MEI4: variants seen among roughly 807,000 people sequenced by gnomAD.
MEI4 encodes the protein meiotic double-stranded break formation protein 4.
MEI4 carries 27 observed loss-of-function variants against 31.4 expected under a neutral mutation model. That is an observed-to-expected ratio of 0.86 (90% CI 0.63 to 1.19). The LOEUF is 1.19. MEI4 is among the 50% of genes most tolerant of loss of function. MEI4 has a pLI of 0.00. For missense variants in MEI4, 329 were observed against 398.9 expected, an observed-to-expected ratio of 0.82 and a Z score of 1.49; for synonymous variants, 122 against 145.4, an observed-to-expected ratio of 0.84 and a Z score of 1.16.
In MEI4 at chr6:77,890,919, C is replaced by A. The variant is rs571701990; in HGVS notation, c.901-32170C>A. Among the ~76,000 whole-genome samples the A allele has an allele frequency of 2.6e-5, 4 of 152,272 alleles. No homozygotes were observed. The East Asian group carries it at 7.7e-4, about 29-fold the overall frequency. On this transcript the variant is annotated intron_variant, in intron 4 of 4. Transcript: ENST00000684080. ...AAGACATGTTCACTTCCCCTTCCAC[C>A]ATGATTGTAAGTTTTCTGAGGCCTC... is the stretch of plus-strand genomic sequence containing the variant.
At chr6:77,907,539 G>A (rs529793300) in intron 4 of MEI4, among the ~76,000 whole-genome samples, 11 of 152,198 alleles carry the variant, frequency 7.2e-5, no homozygotes, top group African/African-American at 2.2e-4. Flanking sequence ...GTCTATCATT[G>A]TTGGACATTT....
intron 3 of MEI4, among the ~76,000 whole-genome samples, chr6:77,775,496 G>A (rs1367496270): frequency 6.6e-6 from 1 of 152,124 alleles, no homozygotes; most frequent in Non-Finnish European, 1.5e-5. Context: ...CATCCAGGTT[G>A]ATGTGAATGC....
chr6:77,924,471 A>G lies in MEI4; in HGVS notation c.*1125A>G, dbSNP rs773319590. 1.3e-5 allele frequency: 2 copies of G among 151,830 alleles called. No individual in the cohort carries two copies. The highest frequency in any genetic ancestry group is 1.5e-5 in the Non-Finnish European group (1 of 67,878). 9.4% of individuals were successfully genotyped at this position (151,830 alleles called of 1,614,324 possible). A position where few individuals can be genotyped will look rare whatever the true frequency, so the allele number is the denominator to read the frequency against. The stretch of plus-strand genomic sequence containing the variant: ...TCAGCTTTTGTTATGTGACAGATAG[A>G]TAATCAATCACAAAATATCTATCAG... On this transcript the variant is annotated 3_prime_UTR_variant, in exon 5 of 5. Transcript: ENST00000684080.
intron 3 of MEI4, among the ~76,000 whole-genome samples, chr6:77,795,346 A>G (rs1466713501): frequency 6.6e-6 from 1 of 152,160 alleles, no homozygotes; most frequent in Non-Finnish European, 1.5e-5. Context: ...ATTAAAAAAG[A>G]CATGCTTTCC....
At chr6:77,814,863 G>A (rs150505885) in intron 3 of MEI4, among the ~76,000 whole-genome samples, 2 of 152,096 alleles carry the variant, frequency 1.3e-5, no homozygotes, top group East Asian at 1.9e-4. Context: ...CTGTGATTCC[G>A]TGTTTCTTTT....
At position 77,907,906 on chromosome 6, in the gene MEI4, C is replaced by T. The variant is rs558712675; in HGVS notation, c.901-15183C>T. On this transcript the variant is annotated intron_variant, in intron 4 of 4. Transcript: ENST00000684080. ...GCATTTCTCTGATGGCCAGTGATGA[C>T]GAGCGTGTTTTCATTTGTCTTTTGG... Among the ~76,000 whole-genome samples the T allele has an allele frequency of 4.9e-3, 744 of 151,936 alleles. 3 individuals are homozygous for T. The highest frequency in any genetic ancestry group is 7.6e-3 in the Non-Finnish European group (518 of 67,966).
chr6:77,689,932 A>G (rs1257238866), intron 1 of MEI4, among the ~76,000 whole-genome samples: 1 of 152,008 alleles, frequency 6.6e-6, no homozygotes, highest in African/African-American at 2.4e-5. Flanking sequence ...TAGGGATGAT[A>G]TTAAAGCAGT....
intron 4 of MEI4, among the ~76,000 whole-genome samples, chr6:77,848,483 A>C (rs977552568): frequency 6.6e-6 from 1 of 152,204 alleles, no homozygotes; most frequent in South Asian, 2.1e-4. Flanking sequence ...TGTCTTAATA[A>C]GTAAATAAAA....
chr6:77,921,071 A>T (rs1766691696), intron 4 of MEI4, among the ~76,000 whole-genome samples: 1 of 151,802 alleles, frequency 6.6e-6, no homozygotes, highest in Non-Finnish European at 1.5e-5. Context: ...CTCAGCATTT[A>T]TTTCTCCCCT....
intron 2 of MEI4, among the ~76,000 whole-genome samples, chr6:77,735,305 C>G (rs1403546566): frequency 6.6e-6 from 1 of 151,742 alleles, no homozygotes; most frequent in South Asian, 2.1e-4. Context: ...TCACATAGTC[C>G]CATATTTCTT....
At chr6:77,655,593 A>T (rs998522676) in intron 1 of MEI4, among the ~76,000 whole-genome samples, 1 of 152,150 alleles carries the variant, frequency 6.6e-6, no homozygotes, top group Non-Finnish European at 1.5e-5. Context: ...TCTATCAAGG[A>T]GGTAAAATAG....
intron 4 of MEI4, among the ~76,000 whole-genome samples, chr6:77,905,475 C>CTTTTTTTTTTTTTTTTTTTTTTTTT (rs70974691): frequency 1.1e-5 from 1 of 93,344 alleles, no homozygotes; most frequent in Non-Finnish European, 2.1e-5. Context: ...AAATTTTCAG[C>CTTTTTTTTTTTTTTTTTTTTTTTTT]TTTTTTTTTT....
At chr6:77,852,636 G>A (rs902647496) in intron 4 of MEI4, among the ~76,000 whole-genome samples, 4 of 149,340 alleles carry the variant, frequency 2.7e-5, no homozygotes, top group African/African-American at 9.9e-5. Context: ...CAAGATTAAG[G>A]CATTGGCAGC....
intron 1 of MEI4, among the ~76,000 whole-genome samples, chr6:77,685,166 A>G (rs1023264418): frequency 2.0e-5 from 3 of 152,088 alleles, no homozygotes; most frequent in African/African-American, 7.2e-5. Context: ...AGAAATGTCT[A>G]TTCAAATCTT....
chr6:77,858,425 A>T (rs1401250974), intron 4 of MEI4, among the ~76,000 whole-genome samples: 1 of 152,170 alleles, frequency 6.6e-6, no homozygotes, highest in Non-Finnish European at 1.5e-5. Context: ...GCATTAAATT[A>T]TTTGAGTTAT....
At chr6:77,858,966 C>T (rs984639647) in intron 4 of MEI4, among the ~76,000 whole-genome samples, 3 of 151,412 alleles carry the variant, frequency 2.0e-5, no homozygotes, top group Admixed American at 1.3e-4. Context: ...CATAGGTATA[C>T]GTGTGCCATG....
chr6:77,756,242 G>T (rs1767913031), intron 2 of MEI4, among the ~76,000 whole-genome samples: 1 of 152,092 alleles, frequency 6.6e-6, no homozygotes. Context: ...ACTATTATCA[G>T]ATATTATAAC....
At chr6:77,859,239 T>C (rs887509800) in intron 4 of MEI4, among the ~76,000 whole-genome samples, 3 of 152,228 alleles carry the variant, frequency 2.0e-5, no homozygotes, top group Non-Finnish European at 2.9e-5. Context: ...ACTGTATATG[T>C]ACCACATTTT....
rs1766823381 is a variant in MEI4, at chr6:77,925,585, T to C, written c.*2239T>C. 1 of 151,592 alleles carries C rather than the reference T, an allele frequency of 6.6e-6. No individual in the cohort carries two copies. Among genetic ancestry groups the C allele is most frequent in the Non-Finnish European group, 1.5e-5 (1 of 67,822 alleles). The allele number at this position is 151,592 out of a possible 1,614,324, so 9.4% of individuals were successfully genotyped here. A position where few individuals can be genotyped will look rare whatever the true frequency, so the allele number is the denominator to read the frequency against. On this transcript the variant is annotated 3_prime_UTR_variant, in exon 5 of 5. Coordinates refer to ENST00000684080, the MANE Select transcript of MEI4 (RefSeq NM_001322247.2). ...TTTATATTTAGGTAATGTCTAACTT[T>C]AGAATTAAGGTTTTAGGGATAAGAG...
Sources: allele counts gnomAD v4.1 joint callset (sites outside exome capture counted in the v4.1 genomes callset), GRCh38; gene constraint gnomAD v4.1.1; transcripts MANE v1.5; gene names NCBI Gene and HGNC (gene_info 2026-07-23, HGNC 2026-07-21).